The following PTGER3 variants were observed in gnomAD, a reference collection of about 807,000 sequenced individuals.
PTGER3 encodes the protein prostaglandin E receptor 3, also known as prostaglandin E2 receptor EP3 subtype.
A neutral mutation model predicts 34.7 loss-of-function variants in PTGER3; 22 were observed. That is an observed-to-expected ratio of 0.63 (90% CI 0.45 to 0.91). The LOEUF is 0.91. Ranked by LOEUF, PTGER3 falls within the 40% of genes least tolerant of loss-of-function variation. The pLI is 0.00. For synonymous variants in PTGER3, 241 were observed against 230.1 expected (o/e 1.05, Z -0.43); for missense variants, 468 against 519.4 (o/e 0.90, Z 0.96).
chr1:70,944,888 A>G (rs1650080610), intron 4 of PTGER3, among the ~76,000 whole-genome samples: 1 of 152,078 alleles, frequency 6.6e-6, no homozygotes, highest in Admixed American at 6.6e-5. Context: ...CAATCAGAAT[A>G]TTTGCCTCCC....
At chr1:71,039,339 A>C (rs1660086731) in intron 1 of PTGER3, among the ~76,000 whole-genome samples, 1 of 152,024 alleles carries the variant, frequency 6.6e-6, no homozygotes, top group South Asian at 2.1e-4. Flanking sequence ...GGATGGTGGC[A>C]GGGGGAGGGA....
At chr1:70,863,293 G>A (rs1184720093) in intron 4 of PTGER3, among the ~76,000 whole-genome samples, 1 of 152,130 alleles carries the variant, frequency 6.6e-6, no homozygotes, top group Non-Finnish European at 1.5e-5. Context: ...ATAGCAAAGT[G>A]TGATATCACC....
intron 4 of PTGER3, among the ~76,000 whole-genome samples, chr1:70,867,664 G>A (rs946285586): frequency 2.0e-5 from 3 of 152,052 alleles, no homozygotes; most frequent in African/African-American, 7.2e-5. Context: ...GGCAGAGGTT[G>A]CAGTGAGCCA....
chr1:70,971,396 T>C lies in PTGER3; in HGVS notation c.*334A>G, dbSNP rs1217762649. 1.9e-6 allele frequency: 2 copies of C among 1,049,346 alleles called. No individual in the cohort carries two copies. Among genetic ancestry groups the C allele is most frequent in the Non-Finnish European group, 2.3e-6 (2 of 872,250 alleles). 65.0% of individuals were successfully genotyped at this position (1,049,346 alleles called of 1,614,324 possible). A position where few individuals can be genotyped will look rare whatever the true frequency, so the allele number is the denominator to read the frequency against. On this transcript the variant is annotated 3_prime_UTR_variant, in exon 4 of 4. Coordinates refer to ENST00000306666, the MANE Select transcript of PTGER3 (RefSeq NM_198719.2). The stretch of plus-strand genomic sequence containing the variant: ...GTAAAGATGTCCACTTTGGTTAAGA[T>C]TCACGTAAAGGTTTGAAGTTGGAGA...
chr1:70,917,446 C>CGTGTGTGTGTGT (rs1557653574), intron 4 of PTGER3, among the ~76,000 whole-genome samples: 4 of 81,636 alleles, frequency 4.9e-5, no homozygotes, highest in Non-Finnish European at 8.8e-5. Context: ...TGTGTGTATA[C>CGTGTGTGTGTGT]AATCAATTCC....
intron 2 of PTGER3, chr1:71,009,046 AT>A: frequency 1.0e-6 from 1 of 985,146 alleles, no homozygotes; most frequent in Non-Finnish European, 1.2e-6. Context: ...ACTATTAGTG[AT>A]TGCTGATGTG....
At chr1:70,927,303 T>A (rs1648195719) in intron 4 of PTGER3, among the ~76,000 whole-genome samples, 1 of 152,192 alleles carries the variant, frequency 6.6e-6, no homozygotes, top group African/African-American at 2.4e-5. Context: ...TGTGAATCCA[T>A]CTGGTCCTGG....
chr1:71,004,937 C>T (rs960321022), intron 2 of PTGER3, among the ~76,000 whole-genome samples: 1 of 152,190 alleles, frequency 6.6e-6, no homozygotes, highest in Non-Finnish European at 1.5e-5. Context: ...ACCAAGGCCC[C>T]ACAGATGGCC....
At chr1:70,958,571 G>A (rs1333576236) in intron 2 of PTGER3, among the ~76,000 whole-genome samples, 1 of 151,812 alleles carries the variant, frequency 6.6e-6, no homozygotes, top group African/African-American at 2.4e-5. Context: ...ATATAATCAG[G>A]GTATTAACTT....
At chr1:70,981,371 CTTT>C (rs1557708981) in intron 2 of PTGER3, among the ~76,000 whole-genome samples, 1,289 of 102,406 alleles carry the variant, frequency 0.013, 10 homozygotes, top group African/African-American at 0.016. Context: ...TTCTTTCTTT[CTTT>C]CTTTCTTTCT....
intron 4 of PTGER3, among the ~76,000 whole-genome samples, chr1:70,927,571 G>A (rs1316507701): frequency 6.6e-6 from 1 of 152,076 alleles, no homozygotes; most frequent in Non-Finnish European, 1.5e-5. Flanking sequence ...ATATTTCCTG[G>A]ATCTCAGGAG....
chr1:71,039,219 C>T (rs549028301), intron 1 of PTGER3, among the ~76,000 whole-genome samples: 8 of 152,162 alleles, frequency 5.3e-5, no homozygotes, highest in Non-Finnish European at 1.2e-4. Context: ...ACTAGCTCTT[C>T]CCTCAGGTGT....
chr1:70,854,964 C>T (rs1645767863), intron 4 of PTGER3, among the ~76,000 whole-genome samples: 1 of 152,170 alleles, frequency 6.6e-6, no homozygotes, highest in African/African-American at 2.4e-5. Context: ...CCAGAAATCC[C>T]ACTCTGGGTA....
At chr1:70,975,720 A>G (rs1317728956) in intron 2 of PTGER3, among the ~76,000 whole-genome samples, 1 of 152,210 alleles carries the variant, frequency 6.6e-6, no homozygotes, top group Non-Finnish European at 1.5e-5. Context: ...ACTTTGACCA[A>G]TACCTATTCC....
chr1:70,946,723 C>A (rs766191466), intron 4 of PTGER3, among the ~76,000 whole-genome samples: 1 of 152,126 alleles, frequency 6.6e-6, no homozygotes, highest in African/African-American at 2.4e-5. Context: ...CCTACCGGAA[C>A]TTCTGCTATA....
chr1:71,021,395 A>G (rs1421138042), intron 1 of PTGER3, among the ~76,000 whole-genome samples: 1 of 152,152 alleles, frequency 6.6e-6, no homozygotes, highest in Non-Finnish European at 1.5e-5. Context: ...CACAATGTCA[A>G]TATCTAAGTA....
chr1:70,984,871 T>C (rs1291239675), intron 2 of PTGER3, among the ~76,000 whole-genome samples: 2 of 152,148 alleles, frequency 1.3e-5, no homozygotes, highest in African/African-American at 2.4e-5. Context: ...TTAGAAAAAT[T>C]AAAGAGATAT....
chr1:70,976,550 G>T (rs1165100644), intron 2 of PTGER3, among the ~76,000 whole-genome samples: 2 of 152,058 alleles, frequency 1.3e-5, no homozygotes, highest in Admixed American at 6.6e-5. Flanking sequence ...TATATGATTT[G>T]ATCTACTAAT....
intron 4 of PTGER3, among the ~76,000 whole-genome samples, chr1:70,891,880 A>G (rs116599637): frequency 8.5e-4 from 129 of 152,358 alleles, no homozygotes; most frequent in African/African-American, 3.0e-3. Context: ...AAAACCATGT[A>G]TGAGAGACAT....
Sources: allele counts gnomAD v4.1 joint callset (sites outside exome capture counted in the v4.1 genomes callset), GRCh38; gene constraint gnomAD v4.1.1; transcripts MANE v1.5; gene names NCBI Gene and HGNC (gene_info 2026-07-23, HGNC 2026-07-21).